Variants in RTTN observed in about 807,000 individuals in gnomAD.
RTTN encodes the protein rotatin.
RTTN carries 182 observed loss-of-function variants against 269.2 expected under a neutral mutation model. That is an observed-to-expected ratio of 0.68 (90% CI 0.60 to 0.76). RTTN has a LOEUF of 0.76. Among genes scored for constraint, RTTN ranks in the 30% least tolerant of loss-of-function variants. The probability of loss-of-function intolerance (pLI) is 0.00; values close to 1 mark genes in which losing one functional copy is unlikely to be tolerated. For synonymous variants in RTTN, 1,006 were observed against 963.5 expected (o/e 1.04, Z -0.82); for missense variants, 2,545 against 2,608.6 (o/e 0.98, Z 0.53).
At chr18:70,138,837 C>G (rs1325693247) in intron 21 of RTTN, 1 of 152,066 alleles carries the variant, frequency 6.6e-6, no homozygotes, top group Non-Finnish European at 1.5e-5. Flanking sequence ...CACTTATCTC[C>G]TATATGCCTG....
chr18:70,196,419 C>A, intron 7 of RTTN, 82 bp downstream of exon 7: 3 of 1,253,168 alleles, frequency 2.4e-6, no homozygotes, highest in South Asian at 1.4e-5. Flanking sequence ...ACACAATAAA[C>A]CCTAACAGTA....
At chr18:70,133,417 A>G (rs2060045909) in intron 23 of RTTN, among the ~76,000 whole-genome samples, 1 of 152,136 alleles carries the variant, frequency 6.6e-6, no homozygotes, top group Non-Finnish European at 1.5e-5. Flanking sequence ...TATTCCAACA[A>G]TGACACGTGT....
intron 23 of RTTN, 129 bp from the exon 24 acceptor site, chr18:70,128,675 C>T: frequency 1.5e-6 from 1 of 657,910 alleles, no homozygotes; most frequent in Non-Finnish European, 2.6e-6. Context: ...CTCTTAGTCC[C>T]TATTTTAAAC....
intron 35 of RTTN, among the ~76,000 whole-genome samples, chr18:70,060,458 TA>T (rs1281357816): frequency 6.6e-6 from 1 of 152,184 alleles, no homozygotes; most frequent in Non-Finnish European, 1.5e-5. Flanking sequence ...CTATTTTTAT[TA>T]TTTTTAAATT....
At chr18:70,038,684 A>T (rs746974196) in intron 40 of RTTN, among the ~76,000 whole-genome samples, 2 of 152,230 alleles carry the variant, frequency 1.3e-5, no homozygotes, top group Non-Finnish European at 2.9e-5. Context: ...AACATCTAAA[A>T]GCATCAAGAT....
rs1345394426 is a variant in RTTN at position 70,080,926 on chromosome 18, T to C, written c.4375-5385A>G. Among the ~76,000 whole-genome samples the C allele has an allele frequency of 1.8e-4, 18 of 99,668 alleles. No homozygotes were observed. The Admixed American group carries it at 2.4e-3, about 13-fold the overall frequency. The allele number at this position is 99,668 out of a possible 152,430, so 65.4% of individuals were successfully genotyped here. On this transcript the variant is annotated intron_variant, in intron 32 of 48. Transcript: ENST00000640769. ...TGAGTGGATAAACTGGTGTGTGTGGTATCACACACACACACACACACACAC... is the reference window on the plus strand; with the variant it reads ...TGAGTGGATAAACTGGTGTGTGTGGCATCACACACACACACACACACACAC...
rs368507282 is a variant in RTTN, at chr18:70,139,647, G to A, written c.2740C>T (p.Arg914Cys). ...GAAGACTGTTGCGAGAGCGAAACAC[G>A]CATGACTGGATCACCACATAAAACC... is the stretch of plus-strand genomic sequence containing the variant. ...RKVLCGDPVM[R>C]VSLSQQSSLL... The change falls in exon 21 of 49, where the codon CGT (arginine) becomes TGT (cysteine). Residue 914 changes from arginine to cysteine, a missense_variant. Coordinates refer to ENST00000640769, the MANE Select transcript of RTTN (RefSeq NM_173630.4). The A allele has an allele frequency of 2.5e-6, 4 of 1,613,178 alleles. No individual in the cohort carries two copies. The highest frequency in any genetic ancestry group is 2.7e-5 in the African/African-American group (2 of 74,880).
At chr18:70,188,049 A>C (rs2061586353) in intron 10 of RTTN, 59 bp downstream of exon 10, 1 of 1,043,324 alleles carries the variant, frequency 9.6e-7, no homozygotes, top group African/African-American at 1.6e-5. Flanking sequence ...CCGGCTTAAA[A>C]GAACCAAAAT....
Position 70,128,516 on chromosome 18 carries a change from G to C in RTTN, c.2985C>G (p.His995Gln). The C allele has an allele frequency of 6.2e-7, 1 of 1,612,852 alleles. No homozygotes were observed. The highest frequency in any genetic ancestry group is 1.1e-5 in the South Asian group (1 of 91,030). Residue 995 changes from histidine to glutamine, a missense_variant, in exon 24 of 49, where the codon CAC becomes CAG. Physicochemically the swap from His to Gln is conservative, Grantham distance 24. Transcript: ENST00000640769. The part of the protein sequence containing the change: ...RYHLPVHVIG[H>Q]HAVSPYSIVL... The stretch of plus-strand genomic sequence containing the variant: ...CTATGGAGTAAGGACTCACAGCATG[G>C]TGTCCAATTACATGAACAGGTAGAT...
At chr18:70,127,819 T>A in intron 24 of RTTN, 78 bp from the exon 25 acceptor site, 2 of 1,318,436 alleles carry the variant, frequency 1.5e-6, no homozygotes, top group Non-Finnish European at 2.0e-6. Flanking sequence ...TATTATAAAC[T>A]CTCCCAAAAG....
At chr18:70,009,326 C>T (rs550358878) in intron 46 of RTTN, among the ~76,000 whole-genome samples, 9 of 152,066 alleles carry the variant, frequency 5.9e-5, no homozygotes, top group African/African-American at 9.6e-5. Flanking sequence ...TTATTAGAGA[C>T]GGGGTTTTAC....
intron 46 of RTTN, among the ~76,000 whole-genome samples, chr18:70,014,131 T>C (rs970762565): frequency 2.0e-5 from 3 of 152,220 alleles, no homozygotes; most frequent in Admixed American, 6.5e-5. Flanking sequence ...TTTAATAAGA[T>C]AGCCACTAGC....
intron 38 of RTTN, 64 bp downstream of exon 38, chr18:70,054,065 AAC>A (rs1227032329): frequency 1.2e-5 from 16 of 1,344,724 alleles, no homozygotes; most frequent in Middle Eastern, 2.4e-4. Context: ...GAATATCTGA[AAC>A]AGAGTAAGTT....
chr18:70,080,115 A>G (rs1160746876), intron 32 of RTTN, among the ~76,000 whole-genome samples: 1 of 23,378 alleles, frequency 4.3e-5, no homozygotes, highest in Non-Finnish European at 2.7e-4. Flanking sequence ...GCTTCATAAC[A>G]AACAAAAGAT....
At chr18:70,030,790 G>T in intron 41 of RTTN, 86 bp downstream of exon 41, 1 of 994,196 alleles carries the variant, frequency 1.0e-6, no homozygotes. Context: ...TTTACATTTT[G>T]AGTCCAAAGA....
At chr18:70,024,177 A>C (rs1335752857) in intron 44 of RTTN, among the ~76,000 whole-genome samples, 4 of 151,784 alleles carry the variant, frequency 2.6e-5, no homozygotes, top group African/African-American at 7.3e-5. Context: ...CAAACTCCCT[A>C]CTCTGGCCTC....
chr18:70,110,403 G>A (rs1599599422), intron 27 of RTTN, among the ~76,000 whole-genome samples: 1 of 152,114 alleles, frequency 6.6e-6, no homozygotes, highest in African/African-American at 2.4e-5. Context: ...GTGGGTGCAG[G>A]GCACAGAGGG....
intron 36 of RTTN, among the ~76,000 whole-genome samples, chr18:70,058,035 T>C (rs534557940): frequency 9.8e-5 from 15 of 152,288 alleles, no homozygotes; most frequent in Non-Finnish European, 1.3e-4. Context: ...GAAAATATCT[T>C]GTCAGAGAAA....
At chr18:70,154,838 C>CA (rs1241150483) in intron 14 of RTTN, among the ~76,000 whole-genome samples, 5 of 152,124 alleles carry the variant, frequency 3.3e-5, no homozygotes, top group Non-Finnish European at 7.4e-5. Flanking sequence ...GATAAACATG[C>CA]AAAGTAGAAG....
Sources: gnomAD v4.1 joint callset for allele counts (sites outside exome capture counted in the v4.1 genomes callset) on GRCh38, gnomAD v4.1.1 for gene constraint, MANE v1.5 for transcripts, NCBI Gene and HGNC (gene_info 2026-07-23, HGNC 2026-07-21) for gene names.